Variants in LRMDA observed in about 807,000 individuals in gnomAD.
LRMDA encodes leucine rich melanocyte differentiation associated.
A neutral mutation model predicts 29.8 loss-of-function variants in LRMDA; 18 were observed. The ratio of observed to expected loss-of-function variants is 0.60; its 90% confidence interval spans 0.42 to 0.90. The LOEUF is 0.90. Ranked by LOEUF, LRMDA falls within the 40% of genes least tolerant of loss-of-function variation. The pLI is 0.00. For synonymous variants in LRMDA, 125 were observed against 109.4 expected (o/e 1.14, Z -0.89); for missense variants, 273 against 273.9 (o/e 1.00, Z 0.02).
chr10:76,041,479 T>C (rs1253943126), intron 3 of LRMDA, among the ~76,000 whole-genome samples: 1 of 152,218 alleles, frequency 6.6e-6, no homozygotes, highest in Admixed American at 6.5e-5. Context: ...TGAATAAAAA[T>C]GAGGTATGTC....
chr10:76,251,114 A>G (rs2132296589), intron 5 of LRMDA, among the ~76,000 whole-genome samples: 1 of 152,230 alleles, frequency 6.6e-6, no homozygotes, highest in South Asian at 2.1e-4. Context: ...TCCAACAGCA[A>G]ATCCTAGAAA....
intron 2 of LRMDA, among the ~76,000 whole-genome samples, chr10:75,705,634 G>A (rs967399573): frequency 1.3e-5 from 2 of 152,204 alleles, no homozygotes; most frequent in East Asian, 3.9e-4. Context: ...AGAGCCGTGC[G>A]TGAGCGATGA....
intron 2 of LRMDA, among the ~76,000 whole-genome samples, chr10:75,679,832 C>T (rs1309558187): frequency 6.6e-6 from 1 of 152,012 alleles, no homozygotes; most frequent in Non-Finnish European, 1.5e-5. Context: ...TCCTAGTCCA[C>T]AATAACATCT....
At chr10:76,020,150 G>A (rs1350202837) in intron 2 of LRMDA, among the ~76,000 whole-genome samples, 1 of 152,100 alleles carries the variant, frequency 6.6e-6, no homozygotes, top group Non-Finnish European at 1.5e-5. Context: ...CCTGAGGTGG[G>A]GTCTGACCCA....
intron 6 of LRMDA, among the ~76,000 whole-genome samples, chr10:76,538,478 A>G (rs1354211399): frequency 7.3e-6 from 1 of 137,374 alleles, no homozygotes; most frequent in Non-Finnish European, 1.5e-5. Context: ...ATATGTATAT[A>G]CATATTTATA....
intron 6 of LRMDA, among the ~76,000 whole-genome samples, chr10:76,438,214 A>G (rs544946465): frequency 6.6e-6 from 1 of 152,310 alleles, no homozygotes; most frequent in East Asian, 1.9e-4. Context: ...CCAGCATCAC[A>G]CTGAATAGAG....
intron 2 of LRMDA, among the ~76,000 whole-genome samples, chr10:75,452,120 G>A (rs1245265768): frequency 2.0e-5 from 3 of 152,138 alleles, no homozygotes; most frequent in Non-Finnish European, 2.9e-5. Context: ...AGTGGCCAGC[G>A]TTGTTGGAGA....
chr10:76,104,569 C>T (rs1481193397), intron 5 of LRMDA, among the ~76,000 whole-genome samples: 1 of 151,528 alleles, frequency 6.6e-6, no homozygotes, highest in Non-Finnish European at 1.5e-5. Context: ...CTCTGGGTCT[C>T]ACCGTGTGTC....
At chr10:75,526,085 A>G (rs1845410017) in intron 2 of LRMDA, among the ~76,000 whole-genome samples, 2 of 151,668 alleles carry the variant, frequency 1.3e-5, no homozygotes, top group Non-Finnish European at 2.9e-5. Flanking sequence ...TCTTTTTTAG[A>G]GATGGGGTCT....
chr10:76,006,599 G>GA (rs967224760), intron 2 of LRMDA, among the ~76,000 whole-genome samples: 5 of 152,198 alleles, frequency 3.3e-5, no homozygotes, highest in African/African-American at 1.2e-4. Flanking sequence ...CAATCTAGGG[G>GA]AAAAAAATCT....
chr10:75,504,229 A>G (rs1845146819), intron 2 of LRMDA, among the ~76,000 whole-genome samples: 1 of 152,100 alleles, frequency 6.6e-6, no homozygotes. Context: ...CCTGGGCGTA[A>G]GCAATCCACC....
chr10:75,854,258 C>T (rs1026448296), intron 2 of LRMDA, among the ~76,000 whole-genome samples: 2 of 152,150 alleles, frequency 1.3e-5, no homozygotes, highest in African/African-American at 4.8e-5. Flanking sequence ...TCATTTATTG[C>T]TCAAGGTTTC....
intron 6 of LRMDA, among the ~76,000 whole-genome samples, chr10:76,381,519 G>A (rs1223790011): frequency 6.6e-6 from 1 of 152,062 alleles, no homozygotes; most frequent in East Asian, 1.9e-4. Flanking sequence ...TAATCCATAA[G>A]AGTTTTCTGG....
At chr10:75,827,867 C>T (rs551610941) in intron 2 of LRMDA, among the ~76,000 whole-genome samples, 9 of 152,246 alleles carry the variant, frequency 5.9e-5, no homozygotes, top group African/African-American at 2.2e-4. Flanking sequence ...TTTGGTGTTC[C>T]AGCTGTTGTA....
intron 5 of LRMDA, among the ~76,000 whole-genome samples, chr10:76,300,189 T>C (rs1334578928): frequency 6.6e-6 from 1 of 152,094 alleles, no homozygotes; most frequent in Non-Finnish European, 1.5e-5. Flanking sequence ...ATTTAAAGAG[T>C]TGTAAATATT....
intron 6 of LRMDA, among the ~76,000 whole-genome samples, chr10:76,496,368 A>G (rs1842879645): frequency 1.3e-5 from 1 of 75,782 alleles, no homozygotes; most frequent in South Asian, 3.5e-4. Flanking sequence ...TAATCTGCCT[A>G]TTGAGATCTA....
chr10:75,435,509 T>G (rs557717605), intron 1 of LRMDA, among the ~76,000 whole-genome samples: 76 of 152,360 alleles, frequency 5.0e-4, no homozygotes, highest in South Asian at 1.7e-3. Context: ...AGCTTCTACT[T>G]TACCACAGGA....
At chr10:76,201,336 G>A (rs533200525) in intron 5 of LRMDA, among the ~76,000 whole-genome samples, 15 of 152,090 alleles carry the variant, frequency 9.9e-5, no homozygotes, top group Middle Eastern at 3.4e-3. Context: ...CTCATGATCC[G>A]CCTGTCTTGG....
intron 2 of LRMDA, among the ~76,000 whole-genome samples, chr10:75,624,813 CTT>C (rs1314591510): frequency 6.6e-6 from 1 of 152,278 alleles, no homozygotes; most frequent in Non-Finnish European, 1.5e-5. Flanking sequence ...TAATTAATTG[CTT>C]TCAGTTCAGT....
Sources: gnomAD v4.1 joint callset for allele counts (sites outside exome capture counted in the v4.1 genomes callset) on GRCh38, gnomAD v4.1.1 for gene constraint, MANE v1.5 for transcripts, NCBI Gene and HGNC (gene_info 2026-07-23, HGNC 2026-07-21) for gene names.